CYB5R1: variants seen among roughly 807,000 people sequenced by gnomAD.
CYB5R1 encodes cytochrome b5 reductase 1.
In CYB5R1, 32 loss-of-function variants were observed where a neutral mutation model predicts 37.4. That is an observed-to-expected ratio of 0.86 (90% CI 0.65 to 1.15). The LOEUF is 1.15. Among genes scored for constraint, CYB5R1 ranks in the 50% most tolerant of loss-of-function variants. The pLI, the probability that CYB5R1 is intolerant of heterozygous loss-of-function variation, is 0.00. For synonymous variants in CYB5R1, 159 were observed against 155.2 expected (o/e 1.02, Z -0.18); for missense variants, 345 against 382.5 (o/e 0.90, Z 0.82).
intron 1 of CYB5R1, 49 bp from the exon 2 acceptor site, chr1:202,966,947 G>C: frequency 6.5e-7 from 1 of 1,545,202 alleles, no homozygotes; most frequent in Non-Finnish European, 8.7e-7. Flanking sequence ...AAGAGCCCGG[G>C]GCTTGGGTGG....
At chr1:202,963,337 G>C (rs1655030623) in intron 7 of CYB5R1, 172 bp from the exon 8 acceptor site, 2 of 575,150 alleles carry the variant, frequency 3.5e-6, no homozygotes, top group Non-Finnish European at 6.2e-6. Flanking sequence ...GAGAAGAGGG[G>C]AACAGCCTTT....
chr1:202,963,773 G>T, intron 6 of CYB5R1, 46 bp from the exon 7 acceptor site: 1 of 1,394,544 alleles, frequency 7.2e-7, no homozygotes, highest in Non-Finnish European at 9.9e-7. Flanking sequence ...CACACTCTCT[G>T]CCCTGTCCTG....
intron 3 of CYB5R1, 32 bp downstream of exon 3, chr1:202,966,496 A>G (rs753887087): frequency 1.2e-6 from 2 of 1,609,166 alleles, no homozygotes; most frequent in African/African-American, 1.3e-5. Flanking sequence ...TGAGGATACC[A>G]GGGAAAGGAG....
Position 202,962,391 on chromosome 1 carries a change from A to G in CYB5R1, c.*136T>C. On this transcript the variant is annotated 3_prime_UTR_variant, in exon 9 of 9. Coordinates refer to ENST00000367249, the MANE Select transcript of CYB5R1 (RefSeq NM_016243.3). Reference sequence around the variant, plus strand: ...ATGGCTACAGGAATATTGTTCCTGCAGGTACTATCCAGATTTCAGCTCTAG... The same window carrying G: ...ATGGCTACAGGAATATTGTTCCTGCGGGTACTATCCAGATTTCAGCTCTAG... The G allele has an allele frequency of 9.4e-7, 1 of 1,065,440 alleles. No individual in the cohort carries two copies. The highest frequency in any genetic ancestry group is 1.4e-6 in the Non-Finnish European group (1 of 737,968). 66.0% of individuals were successfully genotyped at this position (1,065,440 alleles called of 1,614,324 possible). A position where few individuals can be genotyped will look rare whatever the true frequency, so the allele number is the denominator to read the frequency against.
At position 202,965,982 on chromosome 1, in the gene CYB5R1, A is replaced by G. The variant is rs755168273; in HGVS notation, c.250T>C (p.Tyr84His). 2.5e-6 allele frequency: 4 copies of G among 1,612,872 alleles called. No homozygotes were observed. The highest frequency in any genetic ancestry group is 3.3e-5 in the Admixed American group (2 of 60,008). ...TLGLPVGKHIYLSTRIDGSLV... is the reference protein window; with the variant it reads ...TLGLPVGKHIHLSTRIDGSLV... ...CTGCCATCAATTCGGGTGGAGAGGTAGATATGTTTGCCTGGGGACCGTGCA... is the reference window on the plus strand; with the variant it reads ...CTGCCATCAATTCGGGTGGAGAGGTGGATATGTTTGCCTGGGGACCGTGCA... The change falls in exon 4 of 9, where the codon TAC becomes CAC. Residue 84 changes from tyrosine (Y) to histidine (H), a missense_variant. Coordinates refer to ENST00000367249, the MANE Select transcript of CYB5R1 (RefSeq NM_016243.3).
chr1:202,967,216 CT>C lies in CYB5R1; in HGVS notation c.-12del. On this transcript the variant is annotated 5_prime_UTR_variant, in exon 1 of 9. Coordinates refer to ENST00000367249, the MANE Select transcript of CYB5R1 (RefSeq NM_016243.3). ...CGTCTGGATCCCCATGACGGAGCGC[CT>C]TTTCCTCCACCACCTGACAAGCCGA... The C allele has an allele frequency of 1.2e-6, 2 of 1,600,222 alleles. No homozygotes were observed. Among genetic ancestry groups the C allele is most frequent in the Admixed American group, 1.7e-5 (1 of 59,340 alleles).
chr1:202,966,438 C>A (rs1417030476), intron 3 of CYB5R1, 90 bp downstream of exon 3: 2 of 1,442,460 alleles, frequency 1.4e-6, no homozygotes, highest in Admixed American at 1.7e-5. Context: ...TGGAGCAAAC[C>A]GGTTGAAGCA....
In CYB5R1 at chr1:202,963,059, A is replaced by C. The variant is rs1426201728; in HGVS notation, c.745+7T>G. ...GATAGTGGGATGTCCAGAAATGGGA[A>C]GGATACCTTTTGGGGGATGATCCAG... is the stretch of plus-strand genomic sequence containing the variant. On this transcript the variant is annotated splice_region_variant and intron_variant, in intron 8 of 8. Coordinates refer to ENST00000367249, the MANE Select transcript of CYB5R1 (RefSeq NM_016243.3). 1 of 1,611,626 alleles carries C rather than the reference A, an allele frequency of 6.2e-7. No homozygotes were observed. Among genetic ancestry groups the C allele is most frequent in the Admixed American group, 1.7e-5 (1 of 60,028 alleles).
At chr1:202,965,219 T>C in intron 5 of CYB5R1, 152 bp downstream of exon 5, 2 of 869,572 alleles carry the variant, frequency 2.3e-6, no homozygotes, top group Non-Finnish European at 3.4e-6. Context: ...CTGAGAAACA[T>C]GCCTTTCTAT....
At position 202,967,213 on chromosome 1, in the gene CYB5R1, C is replaced by A; in HGVS notation, c.-8G>T. The stretch of plus-strand genomic sequence containing the variant: ...TACCGTCTGGATCCCCATGACGGAG[C>A]GCCTTTTCCTCCACCACCTGACAAG... On this transcript the variant is annotated 5_prime_UTR_variant, in exon 1 of 9. Transcript: ENST00000367249. The A allele has an allele frequency of 6.2e-7, 1 of 1,609,626 alleles. No homozygotes were observed. The highest frequency in any genetic ancestry group is 1.1e-5 in the South Asian group (1 of 90,790).
At chr1:202,964,501 C>T in intron 6 of CYB5R1, 111 bp downstream of exon 6, 3 of 892,804 alleles carry the variant, frequency 3.4e-6, no homozygotes, top group Non-Finnish European at 5.7e-6. Flanking sequence ...GCTGGAAATC[C>T]CCTGATGAAC....
At position 202,966,553 on chromosome 1, in the gene CYB5R1, G is replaced by T. The variant is rs781582755; in HGVS notation, c.213C>A (p.Ala71=). ...TKRFRFALPT[A]HHTLGLPVGK... is the part of the protein sequence containing the mutation. ...CCACAGGCAGCCCCAGAGTGTGGTG[G>T]GCGGTGGGCAGGGCAAAGCGGAACC... The change falls in exon 3 of 9, where the codon GCC becomes GCA. Residue 71 remains alanine (A), a synonymous_variant. Transcript: ENST00000367249. The T allele has an allele frequency of 1.9e-6, 3 of 1,614,074 alleles. No homozygotes were observed. Among genetic ancestry groups the T allele is most frequent in the Non-Finnish European group, 2.5e-6 (3 of 1,180,030 alleles).
At chr1:202,965,539 C>A in intron 4 of CYB5R1, 39 bp from the exon 5 acceptor site, 1 of 1,548,928 alleles carries the variant, frequency 6.5e-7, no homozygotes, top group South Asian at 1.2e-5. Flanking sequence ...TTTGGAATGT[C>A]ACTGGTTTCT....
chr1:202,962,334 T>C lies in CYB5R1; in HGVS notation c.*193A>G. Reference sequence around the variant, plus strand: ...TGCCACGGGGAGATTTAGGAGGCCATCCAAGGAGTGACTGAGCCTTGGCCC... The same window carrying C: ...TGCCACGGGGAGATTTAGGAGGCCACCCAAGGAGTGACTGAGCCTTGGCCC... On this transcript the variant is annotated 3_prime_UTR_variant, in exon 9 of 9. Transcript: ENST00000367249. 1.5e-6 allele frequency: 1 copy of C among 663,438 alleles called. No individual in the cohort carries two copies. Among genetic ancestry groups the C allele is most frequent in the Non-Finnish European group, 2.4e-6 (1 of 410,258 alleles). 41.1% of individuals were successfully genotyped at this position (663,438 alleles called of 1,614,324 possible).
In CYB5R1 at chr1:202,966,574, G is replaced by A; in HGVS notation, c.192C>T (p.Phe64=). Residue 64 remains phenylalanine, a synonymous_variant, in exon 3 of 9, where the codon TTC becomes TTT. Transcript: ENST00000367249. ...KTTVSHNTKR[F]RFALPTAHHT... is the part of the protein sequence containing the mutation. ...GGTGGGCGGTGGGCAGGGCAAAGCG[G>A]AACCTCTTGGTGTTGTGGCTCACAG... The A allele has an allele frequency of 6.2e-7, 1 of 1,614,166 alleles. No individual in the cohort carries two copies. The highest frequency in any genetic ancestry group is 8.5e-7 in the Non-Finnish European group (1 of 1,180,022).
chr1:202,967,230 C>G lies in CYB5R1; in HGVS notation c.-25G>C. On this transcript the variant is annotated 5_prime_UTR_variant, in exon 1 of 9. Transcript: ENST00000367249. ...TGACGGAGCGCCTTTTCCTCCACCA[C>G]CTGACAAGCCGACAGATCCCACAAT... is the stretch of plus-strand genomic sequence containing the variant. 6.2e-7 allele frequency: 1 copy of G among 1,610,348 alleles called. No individual in the cohort carries two copies. The highest frequency in any genetic ancestry group is 8.5e-7 in the Non-Finnish European group (1 of 1,178,602).
At chr1:202,966,689 C>T (rs1655102235) in intron 2 of CYB5R1, 60 bp downstream of exon 2, 6 of 1,612,422 alleles carry the variant, frequency 3.7e-6, no homozygotes, top group Non-Finnish European at 5.1e-6. Context: ...GTGCTGTACC[C>T]TCCATGCCAG....
At chr1:202,964,301 A>G (rs1202200078) in intron 6 of CYB5R1, 2 of 424,430 alleles carry the variant, frequency 4.7e-6, no homozygotes, top group Non-Finnish European at 8.6e-6. Flanking sequence ...GTAGTGTCCA[A>G]TGCTAATTTT....
At chr1:202,963,026 G>C in intron 8 of CYB5R1, 40 bp downstream of exon 8, 1 of 1,544,308 alleles carries the variant, frequency 6.5e-7, no homozygotes, top group Non-Finnish European at 9.0e-7. Context: ...TGATTTTGAC[G>C]ATGAGGGGAT....
Sources: allele counts gnomAD v4.1 joint callset, GRCh38; gene constraint gnomAD v4.1.1; transcripts MANE v1.5; gene names NCBI Gene and HGNC (gene_info 2026-07-23, HGNC 2026-07-21).